RGS7: variants seen among roughly 807,000 people sequenced by gnomAD.
The protein encoded by RGS7 is regulator of G-protein signaling 7.
RGS7 carries 27 observed loss-of-function variants against 81.1 expected under a neutral mutation model. The observed-to-expected ratio is 0.33, with a 90% confidence interval of 0.25 to 0.46. The LOEUF (loss-of-function observed/expected upper bound fraction) is 0.46, where lower values mean the gene tolerates loss of function less well. Among genes scored for constraint, RGS7 ranks in the 20% least tolerant of loss-of-function variants. RGS7 has a pLI of 1.00. For synonymous variants in RGS7, 208 were observed against 207.7 expected (o/e 1.00, Z -0.01); for missense variants, 396 against 607.4 (o/e 0.65, Z 3.66).
chr1:241,214,046 C>T (rs1335734554), intron 2 of RGS7, among the ~76,000 whole-genome samples: 1 of 152,042 alleles, frequency 6.6e-6, no homozygotes, highest in Non-Finnish European at 1.5e-5. Flanking sequence ...ATTACAGGCA[C>T]GAGCCACCAT....
intron 6 of RGS7, among the ~76,000 whole-genome samples, chr1:240,926,282 T>C (rs1331970219): frequency 6.6e-6 from 1 of 152,218 alleles, no homozygotes; most frequent in African/African-American, 2.4e-5. Flanking sequence ...TGAGGTCTTA[T>C]ATTAATCTTT....
chr1:240,925,247 T>C lies in RGS7; in HGVS notation c.385+5470A>G, dbSNP rs141682458. On this transcript the variant is annotated intron_variant, in intron 6 of 18. Transcript: ENST00000440928. ...CCCAGGTAGTGAGCATAGTCCCTAG[T>C]AGGTACTTTTTCAGCCCTTGCACCC... 4.5e-3 allele frequency among the ~76,000 whole-genome samples: 681 copies of C among 152,196 alleles called. 8 individuals carry two copies. Among genetic ancestry groups the C allele is most frequent in the African/African-American group, 0.016 (644 of 41,520 alleles).
intron 6 of RGS7, among the ~76,000 whole-genome samples, chr1:240,917,840 G>A (rs1197063419): frequency 6.6e-6 from 1 of 152,030 alleles, no homozygotes; most frequent in East Asian, 1.9e-4. Context: ...ATATAAAACA[G>A]AACCAACTAT....
At chr1:240,825,468 C>T (rs996206857) in intron 10 of RGS7, among the ~76,000 whole-genome samples, 2 of 152,176 alleles carry the variant, frequency 1.3e-5, no homozygotes, top group African/African-American at 4.8e-5. Flanking sequence ...TCCGTTTTCT[C>T]CAACTGTGGA....
intron 2 of RGS7, among the ~76,000 whole-genome samples, chr1:241,226,227 A>G (rs2148027955): frequency 6.6e-6 from 1 of 152,352 alleles, no homozygotes; most frequent in East Asian, 1.9e-4. Context: ...CCTCTAGGTG[A>G]AAAACACAAA....
At chr1:241,299,670 T>C (rs2079616967) in intron 2 of RGS7, among the ~76,000 whole-genome samples, 1 of 152,114 alleles carries the variant, frequency 6.6e-6, no homozygotes, top group African/African-American at 2.4e-5. Context: ...TTTTCATTTT[T>C]GAAATCTATT....
chr1:241,228,931 G>A (rs912144091), intron 2 of RGS7, among the ~76,000 whole-genome samples: 3 of 151,984 alleles, frequency 2.0e-5, no homozygotes, highest in African/African-American at 7.3e-5. Context: ...TAATTACCTG[G>A]TTTTGATTAT....
intron 16 of RGS7, 25 bp downstream of exon 16, chr1:240,802,879 A>C: frequency 6.7e-7 from 1 of 1,488,872 alleles, no homozygotes; most frequent in Non-Finnish European, 9.4e-7. Context: ...AGGCCAAGAA[A>C]AAACAACTCA....
intron 2 of RGS7, among the ~76,000 whole-genome samples, chr1:241,181,538 G>C (rs2071620416): frequency 6.6e-6 from 1 of 152,194 alleles, no homozygotes; most frequent in South Asian, 2.1e-4. Context: ...GCATACAGCA[G>C]ATCAAAAGCT....
rs185908552 is a variant in RGS7 at position 240,929,602 on chromosome 1, T to C, written c.385+1115A>G. The stretch of plus-strand genomic sequence containing the variant: ...GAGAGATAGCTTTATTGATTTTCTA[T>C]GAATTTTCTTATTTTTTCTTCTTAT... On this transcript the variant is annotated intron_variant, in intron 6 of 18. Coordinates refer to ENST00000440928, the MANE Select transcript of RGS7 (RefSeq NM_001364886.1). Among the ~76,000 whole-genome samples the C allele has an allele frequency of 2.2e-3, 331 of 152,340 alleles. 1 individual carries two copies. Among genetic ancestry groups the C allele is most frequent in the Middle Eastern group, 6.8e-3 (2 of 294 alleles).
intron 5 of RGS7, among the ~76,000 whole-genome samples, chr1:240,932,914 C>G (rs865821688): frequency 3.0e-4 from 35 of 114,912 alleles, no homozygotes; most frequent in Admixed American, 1.7e-3. Context: ...GACAGAGTCT[C>G]GCTCTGTCGC....
chr1:241,329,405 G>C (rs1039098633), intron 2 of RGS7, among the ~76,000 whole-genome samples: 5 of 152,174 alleles, frequency 3.3e-5, no homozygotes, highest in Non-Finnish European at 5.9e-5. Context: ...TGCTTACGGA[G>C]TTTAAAATTT....
At position 240,810,784 on chromosome 1, in the gene RGS7, T is replaced by C. The variant is rs374761215; in HGVS notation, c.1082+1134A>G. 8.5e-5 allele frequency among the ~76,000 whole-genome samples: 13 copies of C among 152,290 alleles called. No individual in the cohort carries two copies. In the East Asian group the frequency reaches 2.3e-3, roughly 27 times the overall value. On this transcript the variant is annotated intron_variant, in intron 14 of 18. Transcript: ENST00000440928. ...TTCTTGCACTCAATTATTGACAATG[T>C]GACCTAATATAGAAAATGTTATTAG...
At chr1:240,960,820 T>C (rs572239642) in intron 4 of RGS7, among the ~76,000 whole-genome samples, 8 of 152,314 alleles carry the variant, frequency 5.3e-5, no homozygotes, top group African/African-American at 1.4e-4. Flanking sequence ...GCAATGAAGC[T>C]TGAGACCTAA....
chr1:240,931,287 A>G (rs1305450419), intron 5 of RGS7, among the ~76,000 whole-genome samples: 1 of 152,234 alleles, frequency 6.6e-6, no homozygotes, highest in Non-Finnish European at 1.5e-5. Flanking sequence ...AGCATTGTCC[A>G]ATGAGATTAA....
intron 5 of RGS7, among the ~76,000 whole-genome samples, chr1:240,932,760 G>A (rs540986848): frequency 3.9e-4 from 58 of 150,642 alleles, no homozygotes; most frequent in African/African-American, 1.1e-3. Flanking sequence ...CGCCTGCCTC[G>A]GCCTCCCAAA....
chr1:240,904,757 G>A (rs1160339876), intron 6 of RGS7, among the ~76,000 whole-genome samples: 2 of 152,276 alleles, frequency 1.3e-5, no homozygotes, highest in East Asian at 3.9e-4. Context: ...GGATGATACT[G>A]GACATTATAC....
intron 2 of RGS7, among the ~76,000 whole-genome samples, chr1:241,211,372 T>C (rs1488753119): frequency 6.6e-6 from 1 of 152,150 alleles, no homozygotes; most frequent in South Asian, 2.1e-4. Context: ...GTGGGAACCA[T>C]GCCATTTTAT....
chr1:241,287,362 T>C (rs371275588), intron 2 of RGS7, among the ~76,000 whole-genome samples: 8 of 152,290 alleles, frequency 5.3e-5, no homozygotes, highest in South Asian at 4.1e-4. Flanking sequence ...TCCTGTGCTG[T>C]TCTTGTGATA....
Sources: allele counts gnomAD v4.1 joint callset (sites outside exome capture counted in the v4.1 genomes callset), GRCh38; gene constraint gnomAD v4.1.1; transcripts MANE v1.5; gene names NCBI Gene and HGNC (gene_info 2026-07-23, HGNC 2026-07-21).